Variants in FGFR2 observed in about 807,000 individuals in gnomAD.
FGFR2 encodes the protein BEK fibroblast growth factor receptor.
Under a neutral mutation model 95.9 loss-of-function variants are expected in FGFR2, and 19 were observed. The observed-to-expected ratio is 0.20, with a 90% CI of 0.14 to 0.29. The LOEUF (loss-of-function observed/expected upper bound fraction) is 0.29. FGFR2 is among the 10% of genes least tolerant of loss of function. The probability of loss-of-function intolerance (pLI) is 1.00; values close to 1 mark genes in which losing one functional copy is unlikely to be tolerated. For synonymous variants in FGFR2, 392 were observed against 393.3 expected (o/e 1.00, Z 0.04); for missense variants, 707 against 1,056.9 (o/e 0.67, Z 4.59).
chr10:121,484,421 CA>C (rs1396940625), intron 16 of FGFR2, among the ~76,000 whole-genome samples: 4 of 151,662 alleles, frequency 2.6e-5, no homozygotes, highest in African/African-American at 9.7e-5. Flanking sequence ...CTCTACGTTA[CA>C]AAAGAAAAAA....
chr10:121,569,851 C>G (rs75308812), intron 2 of FGFR2, among the ~76,000 whole-genome samples: 2 of 152,210 alleles, frequency 1.3e-5, no homozygotes, highest in African/African-American at 4.8e-5. Context: ...TGGGGATCAG[C>G]GGTGCCTTTA....
rs1189849606 is a variant in FGFR2, at chr10:121,598,444, C to G, written c.-633G>C. ...CCCGCTCGGCTCTCCACCGCGCTCTCCTCCAGCCGCCGCCCGCGCCGCCGC... is the reference window on the plus strand; with the variant it reads ...CCCGCTCGGCTCTCCACCGCGCTCTGCTCCAGCCGCCGCCCGCGCCGCCGC... On this transcript the variant is annotated 5_prime_UTR_variant, in exon 1 of 18. Coordinates refer to ENST00000358487, the MANE Select transcript of FGFR2 (RefSeq NM_000141.5). The G allele has an allele frequency of 1.2e-5, 2 of 160,352 alleles. No individual in the cohort carries two copies. Among genetic ancestry groups the G allele is most frequent in the Non-Finnish European group, 2.7e-5 (2 of 74,504 alleles). 9.9% of individuals were successfully genotyped at this position (160,352 alleles called of 1,614,324 possible). A position where few individuals can be genotyped will look rare whatever the true frequency, so the allele number is the denominator to read the frequency against.
At chr10:121,565,004 C>T (rs1466103043) in intron 3 of FGFR2, among the ~76,000 whole-genome samples, 1 of 152,124 alleles carries the variant, frequency 6.6e-6, no homozygotes, top group Non-Finnish European at 1.5e-5. Context: ...TCATCGTCAA[C>T]TAACATTCTG....
rs2133686900 is a variant in FGFR2 at position 121,480,033 on chromosome 10, G to A, written c.2302-12C>T. ...AGGTCCAAGTATTCCTGAAAGAAGG[G>A]AAGAGAGACGTTTTATTTCATCTTG... On this transcript the variant is annotated splice_polypyrimidine_tract_variant and intron_variant, in intron 17 of 17. Coordinates refer to ENST00000358487, the MANE Select transcript of FGFR2 (RefSeq NM_000141.5). 6.2e-7 allele frequency: 1 copy of A among 1,611,798 alleles called. No homozygotes were observed. The highest frequency in any genetic ancestry group is 1.1e-5 in the South Asian group (1 of 91,038).
intron 2 of FGFR2, among the ~76,000 whole-genome samples, chr10:121,574,403 C>A (rs1325104293): frequency 2.0e-5 from 3 of 152,016 alleles, no homozygotes; most frequent in Non-Finnish European, 4.4e-5. Flanking sequence ...GTGGTGTGTG[C>A]CTGTAGTCCC....
chr10:121,556,718 C>T (rs1038261487), intron 4 of FGFR2, among the ~76,000 whole-genome samples: 1 of 152,086 alleles, frequency 6.6e-6, no homozygotes, highest in Non-Finnish European at 1.5e-5. Flanking sequence ...TTATGTGAGC[C>T]GCGGCCACCA....
chr10:121,533,068 GC>G (rs1238671289), intron 6 of FGFR2, among the ~76,000 whole-genome samples: 35 of 152,186 alleles, frequency 2.3e-4, no homozygotes, highest in Middle Eastern at 3.2e-3. Flanking sequence ...ATGCGGACAG[GC>G]AGGGGGAACA....
Position 121,541,149 on chromosome 10 carries a change from A to T in FGFR2, c.625-2434T>A, listed in dbSNP as rs565019588. On this transcript the variant is annotated intron_variant, in intron 5 of 17. Coordinates refer to ENST00000358487, the MANE Select transcript of FGFR2 (RefSeq NM_000141.5). ...CGTTTATAAAAATGTTTTTACAATG[A>T]GAAGCACAATTACCAAACAGGGTGT... Among the ~76,000 whole-genome samples, 7 of 152,248 alleles carry T rather than the reference A, an allele frequency of 4.6e-5. No individual in the cohort carries two copies. The East Asian group carries it at 1.3e-3, about 29-fold the overall frequency.
intron 2 of FGFR2, among the ~76,000 whole-genome samples, chr10:121,575,955 G>A (rs1466350872): frequency 6.6e-6 from 1 of 152,084 alleles, no homozygotes; most frequent in African/African-American, 2.4e-5. Flanking sequence ...GGAGGCCAAG[G>A]AGGGTGGATC....
At chr10:121,533,623 T>C (rs975261696) in intron 6 of FGFR2, among the ~76,000 whole-genome samples, 1 of 152,210 alleles carries the variant, frequency 6.6e-6, no homozygotes, top group Non-Finnish European at 1.5e-5. Flanking sequence ...TAAGGTCCCA[T>C]CTTTCTCCCG....
chr10:121,484,042 C>G (rs1454978828), intron 16 of FGFR2, among the ~76,000 whole-genome samples: 1 of 152,034 alleles, frequency 6.6e-6, no homozygotes, highest in Non-Finnish European at 1.5e-5. Context: ...AAGAAAGACA[C>G]AGCTATGTGT....
Position 121,597,991 on chromosome 10 carries a change from T to C in FGFR2, c.-180A>G. The C allele has an allele frequency of 5.1e-6, 2 of 395,186 alleles. No individual in the cohort carries two copies. The highest frequency in any genetic ancestry group is 8.9e-6 in the Non-Finnish European group (2 of 223,826). 24.5% of individuals were successfully genotyped at this position (395,186 alleles called of 1,614,324 possible). ...AATGGCAACGCTCCTCCGCGACCTG[T>C]GTTGTCCCCGCGCCCCGCGTGGGTC... On this transcript the variant is annotated 5_prime_UTR_variant, in exon 1 of 18. Coordinates refer to ENST00000358487, the MANE Select transcript of FGFR2 (RefSeq NM_000141.5).
chr10:121,538,795 G>C (rs2134613712), intron 5 of FGFR2, 80 bp from the exon 6 acceptor site: 1 of 1,589,876 alleles, frequency 6.3e-7, no homozygotes, highest in Non-Finnish European at 8.6e-7. Context: ...GATTTAAAAA[G>C]AAGCTGAAGG....
intron 4 of FGFR2, among the ~76,000 whole-genome samples, chr10:121,562,409 C>T (rs563014988): frequency 8.5e-5 from 13 of 152,070 alleles, no homozygotes; most frequent in Non-Finnish European, 1.3e-4. Context: ...CTCAGCCTCC[C>T]GAGTAGCTGG....
At chr10:121,542,773 G>C (rs1853950793) in intron 5 of FGFR2, among the ~76,000 whole-genome samples, 1 of 152,120 alleles carries the variant, frequency 6.6e-6, no homozygotes, top group African/African-American at 2.4e-5. Context: ...GGCCCAGACA[G>C]GTTTTTCGGA....
At chr10:121,555,375 A>C (rs965328099) in intron 4 of FGFR2, among the ~76,000 whole-genome samples, 3 of 17,724 alleles carry the variant, frequency 1.7e-4, no homozygotes, top group Non-Finnish European at 2.2e-4. Context: ...CTCTGTCTCA[A>C]TCAATCAATC....
Position 121,511,385 on chromosome 10 carries a change from C to T in FGFR2, c.1287+3732G>A, listed in dbSNP as rs867650485. ...ATTCAGCAAACCCAGCAACACCGCA[C>T]GTCTCCTAAACAGGCATCCTCAGTT... On this transcript the variant is annotated intron_variant, in intron 9 of 17. Coordinates refer to ENST00000358487, the MANE Select transcript of FGFR2 (RefSeq NM_000141.5). 5.9e-5 allele frequency among the ~76,000 whole-genome samples: 9 copies of T among 152,280 alleles called. 1 individual carries two copies. In the Middle Eastern group the frequency reaches 0.014, roughly 230 times the overall value.
At chr10:121,551,199 G>A (rs1419238373) in intron 5 of FGFR2, 91 bp downstream of exon 5, 40 of 1,449,854 alleles carry the variant, frequency 2.8e-5, no homozygotes, top group East Asian at 7.2e-5. Flanking sequence ...CAGCCTGGGC[G>A]ACAGAGCGAG....
intron 4 of FGFR2, among the ~76,000 whole-genome samples, chr10:121,556,902 T>C (rs1404298266): frequency 6.6e-6 from 1 of 152,230 alleles, no homozygotes; most frequent in Non-Finnish European, 1.5e-5. Context: ...CTTTGACTCC[T>C]GACAGGGGAA....
Sources: gnomAD v4.1 joint callset for allele counts (sites outside exome capture counted in the v4.1 genomes callset) on GRCh38, gnomAD v4.1.1 for gene constraint, MANE v1.5 for transcripts, NCBI Gene and HGNC (gene_info 2026-07-23, HGNC 2026-07-21) for gene names.